Variants in MAST4 observed in about 807,000 individuals in gnomAD.
The protein encoded by MAST4 is microtubule associated serine/threonine kinase family member 4.
MAST4 carries 89 observed loss-of-function variants against 162.7 expected under a neutral mutation model. That is an observed-to-expected ratio of 0.55 (90% CI 0.46 to 0.65). The LOEUF (loss-of-function observed/expected upper bound fraction) is 0.65. MAST4 is among the 30% of genes least tolerant of loss of function. The pLI is 0.00. For missense variants in MAST4, 3,153 were observed against 3,374.0 expected (o/e 0.93, Z 1.62); for synonymous variants, 1,479 against 1,361.1 (o/e 1.09, Z -1.91).
intron 1 of MAST4, among the ~76,000 whole-genome samples, chr5:66,653,392 CA>C (rs1463756224): frequency 6.6e-6 from 1 of 152,204 alleles, no homozygotes; most frequent in African/African-American, 2.4e-5. Context: ...CCCTGGCCTC[CA>C]GTCTTTTCTT....
At chr5:66,806,303 G>A (rs1353036331) in intron 3 of MAST4, among the ~76,000 whole-genome samples, 3 of 152,180 alleles carry the variant, frequency 2.0e-5, no homozygotes, top group Admixed American at 6.5e-5. Flanking sequence ...CACTTGTCTG[G>A]CATTTTAAAC....
At chr5:66,845,999 A>G (rs1006444787) in intron 3 of MAST4, among the ~76,000 whole-genome samples, 2 of 152,172 alleles carry the variant, frequency 1.3e-5, no homozygotes, top group African/African-American at 4.8e-5. Flanking sequence ...TACATGTATC[A>G]GTTCATTTCA....
At chr5:66,826,242 A>G (rs1757248990) in intron 3 of MAST4, among the ~76,000 whole-genome samples, 2 of 151,908 alleles carry the variant, frequency 1.3e-5, no homozygotes, top group African/African-American at 4.8e-5. Flanking sequence ...ATATTTTTTC[A>G]TACTAGATTT....
chr5:67,095,550 T>A (rs765131981), intron 6 of MAST4, 47 bp from the exon 7 acceptor site: 1 of 1,452,964 alleles, frequency 6.9e-7, no homozygotes, highest in Non-Finnish European at 9.5e-7. Context: ...GGTTCCCATG[T>A]GACAGTACGC....
intron 1 of MAST4, among the ~76,000 whole-genome samples, chr5:66,612,021 A>G (rs1420980774): frequency 6.6e-6 from 1 of 152,124 alleles, no homozygotes; most frequent in African/African-American, 2.4e-5. Context: ...TTTTGAGGGG[A>G]AGCTTTAACA....
chr5:67,165,674 C>G lies in MAST4; in HGVS notation c.6495C>G (p.Ala2165=). The G allele has an allele frequency of 1.1e-5, 17 of 1,593,170 alleles. No homozygotes were observed. Among genetic ancestry groups the G allele is most frequent in the Non-Finnish European group, 1.5e-5 (17 of 1,170,396 alleles). The stretch of plus-strand genomic sequence containing the variant: ...ACGCTTCTGGCAGAGAGCCGGGGGC[C>G]AAGCCCAGCACTGCAGAGCCCAGCT... ...PSHASGREPG[A]KPSTAEPSSS... The change falls in exon 29 of 29, where the codon GCC becomes GCG. Residue 2165 remains alanine (A), a synonymous_variant. Coordinates refer to ENST00000403625, the MANE Select transcript of MAST4 (RefSeq NM_001164664.2).
At chr5:66,751,689 C>A (rs7728362) in intron 1 of MAST4, among the ~76,000 whole-genome samples, 44,941 of 147,164 alleles carry the variant, frequency 0.31, 7,552 homozygotes, top group Non-Finnish European at 0.37. Context: ...GAAAGTGATG[C>A]GGAGAATGGA....
At chr5:67,048,907 C>A (rs1308186246) in intron 4 of MAST4, among the ~76,000 whole-genome samples, 1 of 148,938 alleles carries the variant, frequency 6.7e-6, no homozygotes, top group Non-Finnish European at 1.5e-5. Context: ...TCTGTTTTTC[C>A]TGTTATGTGA....
chr5:66,707,520 T>G (rs1287893610), intron 1 of MAST4, among the ~76,000 whole-genome samples: 1 of 152,218 alleles, frequency 6.6e-6, no homozygotes, highest in African/African-American at 2.4e-5. Context: ...GTTGGTTTCA[T>G]TATGAGTCCT....
intron 3 of MAST4, among the ~76,000 whole-genome samples, chr5:66,849,119 G>A (rs1204988654): frequency 6.6e-6 from 1 of 152,140 alleles, no homozygotes; most frequent in Non-Finnish European, 1.5e-5. Context: ...ACTCCTTTAT[G>A]CATCTTTGTA....
intron 3 of MAST4, among the ~76,000 whole-genome samples, chr5:66,876,844 A>G (rs26921): frequency 0.32 from 48,164 of 152,088 alleles, 9,387 homozygotes; most frequent in Non-Finnish European, 0.45. Flanking sequence ...GGAATGTCAT[A>G]GAGTACCATT....
In MAST4 at chr5:66,716,409, A is replaced by G. The variant is rs146265055; in HGVS notation, c.364-43300A>G. Among the ~76,000 whole-genome samples, 471 of 152,088 alleles carry G rather than the reference A, an allele frequency of 3.1e-3. 4 individuals carry two copies. Among genetic ancestry groups the G allele is most frequent in the African/African-American group, 0.011 (460 of 41,480 alleles). ...ACTCGGTTGCCCAGCCTGGAGTGCAATGATGCAATCACACTTACTTTGAAC... is the reference window on the plus strand; with the variant it reads ...ACTCGGTTGCCCAGCCTGGAGTGCAGTGATGCAATCACACTTACTTTGAAC... On this transcript the variant is annotated intron_variant, in intron 1 of 28. Transcript: ENST00000403625.
intron 22 of MAST4, 54 bp from the exon 23 acceptor site, chr5:67,145,090 T>A: frequency 6.9e-7 from 1 of 1,442,874 alleles, no homozygotes; most frequent in Non-Finnish European, 9.5e-7. Context: ...AAAATTCACC[T>A]TTAACACAGT....
chr5:67,127,693 C>T (rs1768431688), intron 14 of MAST4, among the ~76,000 whole-genome samples: 1 of 152,012 alleles, frequency 6.6e-6, no homozygotes, highest in African/African-American at 2.4e-5. Flanking sequence ...TGTCCTGCTA[C>T]CATCATCTGA....
chr5:66,778,128 G>A (rs977080032), intron 2 of MAST4, among the ~76,000 whole-genome samples: 2 of 152,130 alleles, frequency 1.3e-5, no homozygotes, highest in African/African-American at 4.8e-5. Flanking sequence ...TTCATTCTCA[G>A]CAACACTGCT....
chr5:66,887,399 G>A lies in MAST4; in HGVS notation c.643-12552G>A, dbSNP rs75843572. 4.0e-4 allele frequency among the ~76,000 whole-genome samples: 61 copies of A among 152,348 alleles called. 2 individuals carry two copies. The East Asian group carries it at 0.011, about 28-fold the overall frequency. On this transcript the variant is annotated intron_variant, in intron 3 of 28. Coordinates refer to ENST00000403625, the MANE Select transcript of MAST4 (RefSeq NM_001164664.2). ...CACTGTTCCAAAGCTAATTTGCAAA[G>A]TTTATTTAGTACTAGCATTAGCTAG...
intron 14 of MAST4, among the ~76,000 whole-genome samples, chr5:67,129,723 CA>C (rs887110911): frequency 2.4e-3 from 149 of 62,106 alleles, no homozygotes; most frequent in Admixed American, 3.1e-3. Flanking sequence ...GACTCCATCT[CA>C]AAAAAAAAAA....
intron 4 of MAST4, among the ~76,000 whole-genome samples, chr5:67,050,403 C>G (rs962308842): frequency 6.6e-6 from 1 of 152,172 alleles, no homozygotes; most frequent in Non-Finnish European, 1.5e-5. Flanking sequence ...CATTCTTACA[C>G]GCAGTGTTCT....
chr5:66,601,096 CGTG>C (rs1742524143), intron 1 of MAST4, among the ~76,000 whole-genome samples: 1 of 152,128 alleles, frequency 6.6e-6, no homozygotes, highest in Non-Finnish European at 1.5e-5. Flanking sequence ...GGGTTTCCCA[CGTG>C]TACTAATGCA....
Sources: allele counts gnomAD v4.1 joint callset (sites outside exome capture counted in the v4.1 genomes callset), GRCh38; gene constraint gnomAD v4.1.1; transcripts MANE v1.5; gene names NCBI Gene and HGNC (gene_info 2026-07-23, HGNC 2026-07-21).